NEO1: variants seen among roughly 807,000 people sequenced by gnomAD.
NEO1 encodes the protein neogenin 1.
A neutral mutation model predicts 159.7 loss-of-function variants in NEO1; 63 were observed. The ratio of observed to expected loss-of-function variants is 0.39; its 90% CI spans 0.32 to 0.49. NEO1 has a LOEUF of 0.49. Among genes scored for constraint, NEO1 ranks in the 20% least tolerant of loss-of-function variants. The probability of loss-of-function intolerance (pLI) is 0.85; values close to 1 mark genes in which losing one functional copy is unlikely to be tolerated. For missense variants in NEO1, 1,615 were observed against 1,831.0 expected, an observed-to-expected ratio of 0.88 and a Z score of 2.15; for synonymous variants, 633 against 662.0, an observed-to-expected ratio of 0.96 and a Z score of 0.67.
intron 5 of NEO1, among the ~76,000 whole-genome samples, chr15:73,167,331 A>G (rs1298832763): frequency 6.6e-6 from 1 of 150,940 alleles, no homozygotes; most frequent in South Asian, 2.1e-4. Context: ...ACATCCCACG[A>G]CTCTAACTTC....
At chr15:73,064,358 A>T (rs1364508012) in intron 1 of NEO1, among the ~76,000 whole-genome samples, 1 of 152,078 alleles carries the variant, frequency 6.6e-6, no homozygotes, top group Non-Finnish European at 1.5e-5. Flanking sequence ...GTTCTATTTA[A>T]ATTAGTTCAT....
At chr15:73,133,138 C>T (rs1447079364) in intron 4 of NEO1, among the ~76,000 whole-genome samples, 17 of 152,020 alleles carry the variant, frequency 1.1e-4, no homozygotes, top group Admixed American at 1.1e-3. Context: ...CCCAAATGCC[C>T]ATCAGTTGAT....
chr15:73,224,580 C>CAGA (rs1394747441), intron 7 of NEO1, among the ~76,000 whole-genome samples: 1 of 133,498 alleles, frequency 7.5e-6, no homozygotes, highest in Non-Finnish European at 1.7e-5. Flanking sequence ...CAATTTCTTT[C>CAGA]TTCTACTTGT....
intron 7 of NEO1, among the ~76,000 whole-genome samples, chr15:73,198,403 ATGTCT>A (rs2036661869): frequency 4.6e-5 from 7 of 152,184 alleles, no homozygotes; most frequent in Admixed American, 4.6e-4. Flanking sequence ...AAAACTTTGT[ATGTCT>A]GAAAATATAT....
Position 73,135,937 on chromosome 15 carries a change from G to T in NEO1, c.925G>T (p.Asp309Tyr). The change falls in exon 5 of 29, where the codon GAT (aspartate) becomes TAT (tyrosine). Residue 309 changes from aspartate to tyrosine, a missense_variant. Asp to Tyr is a radical substitution (Grantham distance 160). This residue lies in a region of NEO1 where 1,018 missense variants were observed against 1,115.4 expected (regional missense o/e 0.91). Transcript: ENST00000261908. ...LLAGGSLEISDVTEDDAGTYF... is the reference protein window; with the variant it reads ...LLAGGSLEISYVTEDDAGTYF... The stretch of plus-strand genomic sequence containing the variant: ...GGCAGGTGGTAGCCTGGAGATCAGT[G>T]ATGTTACTGAGGATGATGCTGGGAC... The T allele has an allele frequency of 6.2e-7, 1 of 1,602,430 alleles. No homozygotes were observed. The highest frequency in any genetic ancestry group is 8.5e-7 in the Non-Finnish European group (1 of 1,175,270).
chr15:73,302,973 A>T lies in NEO1; in HGVS notation c.*277A>T. The T allele has an allele frequency of 2.6e-6, 1 of 385,682 alleles. No individual in the cohort carries two copies. Among genetic ancestry groups the T allele is most frequent in the Non-Finnish European group, 4.8e-6 (1 of 206,262 alleles). 23.9% of individuals were successfully genotyped at this position (385,682 alleles called of 1,614,324 possible). ...GGCCAAAATTTTGTGTCCAGGGAAG[A>T]GGCGAGAAGTGCAACCTGCATTTCA... On this transcript the variant is annotated 3_prime_UTR_variant, in exon 29 of 29. Transcript: ENST00000261908.
intron 21 of NEO1, among the ~76,000 whole-genome samples, chr15:73,277,045 G>T (rs1460763068): frequency 2.0e-5 from 3 of 152,102 alleles, no homozygotes; most frequent in Non-Finnish European, 4.4e-5. Flanking sequence ...TTGTGAAGTG[G>T]ATACCATTAT....
chr15:73,253,493 T>C lies in NEO1; in HGVS notation c.1944+44T>C, dbSNP rs754553908. On this transcript the variant is annotated intron_variant, in intron 12 of 28. Transcript: ENST00000261908. ...GCTGTTCATTTTTACTGGTATACTG[T>C]TGCGCCTCAGAGGGGCTTATAGAAA... The C allele has an allele frequency of 1.6e-5, 23 of 1,422,668 alleles. 1 individual carries two copies. Among genetic ancestry groups the C allele is most frequent in the Middle Eastern group, 3.6e-4 (2 of 5,598 alleles). The allele number at this position is 1,422,668 out of a possible 1,614,324, so 88.1% of individuals were successfully genotyped here.
At chr15:73,166,023 C>T (rs2034548672) in intron 5 of NEO1, among the ~76,000 whole-genome samples, 1 of 152,166 alleles carries the variant, frequency 6.6e-6, no homozygotes, top group African/African-American at 2.4e-5. Context: ...GGCAAACCTC[C>T]CTGTGCAAGT....
intron 1 of NEO1, among the ~76,000 whole-genome samples, chr15:73,111,529 GTTTTTC>G (rs1328835040): frequency 1.3e-5 from 2 of 152,096 alleles, no homozygotes; most frequent in East Asian, 3.9e-4. Flanking sequence ...TTTAAAAAAT[GTTTTTC>G]TTTAGCTATT....
chr15:73,244,981 A>AAAAAAAAAAAAAAAAAAAAAC (rs1426485832), intron 9 of NEO1, among the ~76,000 whole-genome samples: 2 of 148,112 alleles, frequency 1.4e-5, no homozygotes, highest in African/African-American at 2.5e-5. Context: ...AAAAAAAAAA[A>AAAAAAAAAAAAAAAAAAAAAC]AACAACAGCA....
At chr15:73,293,040 T>C (rs1276180025) in intron 25 of NEO1, among the ~76,000 whole-genome samples, 1 of 152,230 alleles carries the variant, frequency 6.6e-6, no homozygotes, top group Non-Finnish European at 1.5e-5. Context: ...TAATAACTCA[T>C]GTAATCCATG....
At chr15:73,167,567 C>T (rs2151915583) in intron 5 of NEO1, among the ~76,000 whole-genome samples, 1 of 152,274 alleles carries the variant, frequency 6.6e-6, no homozygotes, top group East Asian at 1.9e-4. Flanking sequence ...TATTTCTACA[C>T]CCACATTCAC....
At chr15:73,250,949 T>C (rs1236096662) in intron 11 of NEO1, among the ~76,000 whole-genome samples, 3 of 152,224 alleles carry the variant, frequency 2.0e-5, no homozygotes, top group Non-Finnish European at 4.4e-5. Context: ...ATTGTTGTAT[T>C]GTGTACTTTG....
Position 73,298,533 on chromosome 15 carries a change from G to A in NEO1, c.4087G>A (p.Ala1363Thr), listed in dbSNP as rs772674552. The part of the protein sequence containing the change: ...VRPSHPLKSF[A>T]VPAIPPPGPP... ...CCCTTCCCACCCATTGAAGAGCTTCGCCGTGCCAGCAATCCCGCCTCCAGG... is the reference window on the plus strand; with the variant it reads ...CCCTTCCCACCCATTGAAGAGCTTCACCGTGCCAGCAATCCCGCCTCCAGG... The change falls in exon 27 of 29, where the codon GCC becomes ACC. Residue 1363 changes from alanine (A) to threonine (T), a missense_variant. Coordinates refer to ENST00000261908, the MANE Select transcript of NEO1 (RefSeq NM_002499.4). The A allele has an allele frequency of 4.3e-6, 7 of 1,614,064 alleles. No homozygotes were observed. Among genetic ancestry groups the A allele is most frequent in the South Asian group, 3.3e-5 (3 of 91,078 alleles).
intron 23 of NEO1, among the ~76,000 whole-genome samples, chr15:73,287,432 G>A (rs1163032394): frequency 6.6e-6 from 1 of 152,252 alleles, no homozygotes; most frequent in African/African-American, 2.4e-5. Flanking sequence ...TGAGGGCACA[G>A]CAGTCTAGCA....
At chr15:73,272,713 T>C (rs374584031) in intron 19 of NEO1, 151 bp downstream of exon 19, 17 of 637,622 alleles carry the variant, frequency 2.7e-5, no homozygotes, top group East Asian at 8.3e-5. Context: ...GTCCTTGAAA[T>C]TGGGGTGAGG....
At chr15:73,256,096 T>A (rs1033114317) in intron 13 of NEO1, 1 of 152,264 alleles carries the variant, frequency 6.6e-6, no homozygotes, top group African/African-American at 2.4e-5. Context: ...CTTTATATTT[T>A]ATCTCTCCTG....
chr15:73,118,942 T>C (rs1219435326), intron 2 of NEO1, among the ~76,000 whole-genome samples: 1 of 152,230 alleles, frequency 6.6e-6, no homozygotes, highest in Non-Finnish European at 1.5e-5. Context: ...CTGCAAATCT[T>C]TATTTCTGTA....
Sources: allele counts gnomAD v4.1 joint callset (sites outside exome capture counted in the v4.1 genomes callset), GRCh38; gene constraint gnomAD v4.1.1; regional missense constraint gnomAD v4.1.1; transcripts MANE v1.5; gene names NCBI Gene and HGNC (gene_info 2026-07-23, HGNC 2026-07-21).